KHDRBS2: variants seen among roughly 807,000 people sequenced by gnomAD.
The protein encoded by KHDRBS2 is KH RNA binding domain containing, signal transduction associated 2, also known as KH domain-containing, RNA-binding, signal transduction-associated protein 2.
A neutral mutation model predicts 44.3 loss-of-function variants in KHDRBS2; 26 were observed. That is an observed-to-expected ratio of 0.59 (90% CI 0.43 to 0.81). The LOEUF is 0.81. Among genes scored for constraint, KHDRBS2 ranks in the 40% least tolerant of loss-of-function variants. The pLI, the probability that KHDRBS2 is intolerant of heterozygous loss-of-function variation, is 0.00. For missense variants in KHDRBS2, 476 were observed against 433.1 expected (o/e 1.10, Z -0.88); for synonymous variants, 194 against 151.1 (o/e 1.28, Z -2.08).
At chr6:61,547,544 C>T in the KHDRBS2 span, among the ~76,000 whole-genome samples, 1 of 152,086 alleles carries the variant, frequency 6.6e-6, no homozygotes, top group Non-Finnish European at 1.5e-5. Flanking sequence ...ATGAAAGATA[C>T]TCCTGTTACT....
chr6:61,640,573 A>G, the KHDRBS2 span, among the ~76,000 whole-genome samples: 1 of 152,086 alleles, frequency 6.6e-6, no homozygotes, highest in East Asian at 1.9e-4. Context: ...CTGTTCTCTA[A>G]GGACCCATCA....
At chr6:61,839,964 A>G (rs1256820619) in intron 6 of KHDRBS2, among the ~76,000 whole-genome samples, 1 of 152,144 alleles carries the variant, frequency 6.6e-6, no homozygotes, top group Non-Finnish European at 1.5e-5. Flanking sequence ...AAAATAGTGC[A>G]TATTATTTAT....
At chr6:61,948,501 C>T (rs547079949) in intron 4 of KHDRBS2, among the ~76,000 whole-genome samples, 1 of 151,968 alleles carries the variant, frequency 6.6e-6, no homozygotes, top group South Asian at 2.1e-4. Flanking sequence ...ATGAGTTTGG[C>T]ATATCCAACC....
At chr6:61,722,246 T>C (rs914489459) in intron 7 of KHDRBS2, among the ~76,000 whole-genome samples, 3 of 152,196 alleles carry the variant, frequency 2.0e-5, no homozygotes, top group African/African-American at 4.8e-5. Flanking sequence ...TTCTCTTTTT[T>C]GGTTGTGTCT....
chr6:61,905,201 A>G (rs2127346463), intron 4 of KHDRBS2, among the ~76,000 whole-genome samples: 1 of 152,324 alleles, frequency 6.6e-6, no homozygotes, highest in African/African-American at 2.4e-5. Context: ...GCAAACACAA[A>G]CCATATTTTG....
chr6:61,657,870 G>A, the KHDRBS2 span, among the ~76,000 whole-genome samples: 7 of 151,952 alleles, frequency 4.6e-5, no homozygotes, highest in Admixed American at 4.6e-4. Context: ...ATAAGCTAAT[G>A]ATTGTGAGTC....
Position 61,894,715 on chromosome 6 carries a change from T to C in KHDRBS2, c.730A>G (p.Thr244Ala), listed in dbSNP as rs527455084. 1 of 1,613,160 alleles carries C rather than the reference T, an allele frequency of 6.2e-7. No homozygotes were observed. Among genetic ancestry groups the C allele is most frequent in the African/African-American group, 1.3e-5 (1 of 74,876 alleles). Residue 244 changes from threonine (T) to alanine (A), a missense_variant, in exon 6 of 9, where the codon ACC becomes GCC. Thr to Ala is a moderately conservative substitution (Grantham distance 58). Coordinates refer to ENST00000281156, the MANE Select transcript of KHDRBS2 (RefSeq NM_152688.4). ...GTTGGTGCCCCCCGGGCTCGAGGGG[T>C]AGGGACACCTCTTGCTACAGGTGGC... ...PVPPVARGVP[T>A]PRARGAPTVP... is the part of the protein sequence containing the mutation.
chr6:62,109,987 G>C (rs1438993705), intron 2 of KHDRBS2, among the ~76,000 whole-genome samples: 1 of 151,810 alleles, frequency 6.6e-6, no homozygotes, highest in Non-Finnish European at 1.5e-5. Flanking sequence ...TCTTAGATAT[G>C]AAATGAAAAG....
chr6:61,567,907 A>T, the KHDRBS2 span, among the ~76,000 whole-genome samples: 1 of 152,096 alleles, frequency 6.6e-6, no homozygotes, highest in Non-Finnish European at 1.5e-5. Context: ...ATGATTCAGA[A>T]TTCAAATTTT....
At chr6:61,593,754 T>C in the KHDRBS2 span, among the ~76,000 whole-genome samples, 3 of 152,260 alleles carry the variant, frequency 2.0e-5, no homozygotes, top group Admixed American at 1.3e-4. Context: ...CTGTAATATC[T>C]GTATGAATTG....
intron 1 of KHDRBS2, among the ~76,000 whole-genome samples, chr6:62,197,294 C>T (rs767324783): frequency 3.4e-4 from 51 of 152,186 alleles, no homozygotes; most frequent in Middle Eastern, 3.4e-3. Flanking sequence ...CAAGTTAAAA[C>T]TTGCAAACCC....
intron 2 of KHDRBS2, among the ~76,000 whole-genome samples, chr6:62,134,759 G>T (rs541356128): frequency 6.6e-6 from 1 of 152,124 alleles, no homozygotes; most frequent in Admixed American, 6.6e-5. Context: ...GTAGTCAAAG[G>T]AGATAATTGC....
intron 6 of KHDRBS2, among the ~76,000 whole-genome samples, chr6:61,889,338 G>A (rs1996592): frequency 0.87 from 132,246 of 152,144 alleles, 57,930 homozygotes; most frequent in African/African-American, 0.95. Flanking sequence ...CTGTTTTGAA[G>A]TGCCACATCC....
At chr6:61,735,556 T>C (rs1278990390) in intron 6 of KHDRBS2, among the ~76,000 whole-genome samples, 2 of 152,162 alleles carry the variant, frequency 1.3e-5, no homozygotes, top group Non-Finnish European at 1.5e-5. Context: ...ATCTGTTTAG[T>C]GTTTTTAGAG....
At chr6:61,781,064 A>G (rs1415207838) in intron 6 of KHDRBS2, among the ~76,000 whole-genome samples, 1 of 152,254 alleles carries the variant, frequency 6.6e-6, no homozygotes, top group Non-Finnish European at 1.5e-5. Context: ...ATTTTAAAAC[A>G]GAACATCCCA....
intron 4 of KHDRBS2, among the ~76,000 whole-genome samples, chr6:61,968,506 T>C (rs1189786486): frequency 6.6e-6 from 1 of 152,054 alleles, no homozygotes; most frequent in Non-Finnish European, 1.5e-5. Flanking sequence ...ATTGAATTAA[T>C]GAGTATCTAA....
intron 7 of KHDRBS2, among the ~76,000 whole-genome samples, chr6:61,721,053 TG>T (rs1376737044): frequency 2.0e-5 from 3 of 151,674 alleles, no homozygotes; most frequent in African/African-American, 7.3e-5. Context: ...CCCCATTGCT[TG>T]TTTTTCTCAG....
the KHDRBS2 span, among the ~76,000 whole-genome samples, chr6:61,570,849 C>T: frequency 6.6e-6 from 1 of 151,984 alleles, no homozygotes; most frequent in Non-Finnish European, 1.5e-5. Flanking sequence ...GAGATAAAGC[C>T]TTTTTCAGAC....
chr6:61,645,980 C>T, the KHDRBS2 span, among the ~76,000 whole-genome samples: 2 of 152,152 alleles, frequency 1.3e-5, no homozygotes, highest in African/African-American at 2.4e-5. Context: ...GTGCTTGTAT[C>T]CATCTTATCA....
Sources: allele counts gnomAD v4.1 joint callset (sites outside exome capture counted in the v4.1 genomes callset), GRCh38; gene constraint gnomAD v4.1.1; transcripts MANE v1.5; gene names NCBI Gene and HGNC (gene_info 2026-07-23, HGNC 2026-07-21).